HIPK3: variants seen among roughly 807,000 people sequenced by gnomAD.
The protein encoded by HIPK3 is homeodomain-interacting protein kinase 3.
A neutral mutation model predicts 124.2 loss-of-function variants in HIPK3; 47 were observed. That is an observed-to-expected ratio of 0.38 (90% CI 0.30 to 0.48). The LOEUF (loss-of-function observed/expected upper bound fraction) is 0.48. Ranked by LOEUF, HIPK3 falls within the 20% of genes least tolerant of loss-of-function variation. HIPK3 has a pLI of 0.98. For synonymous variants in HIPK3, 482 were observed against 515.2 expected (o/e 0.94, Z 0.87); for missense variants, 1,286 against 1,454.3 (o/e 0.88, Z 1.88).
intron 8 of HIPK3, 21 bp from the exon 9 acceptor site, chr11:33,347,272 G>T (rs765010879): frequency 6.3e-7 from 1 of 1,586,732 alleles, no homozygotes; most frequent in Non-Finnish European, 8.6e-7. Flanking sequence ...TCTTTTATTT[G>T]ATAACTATTC....
intron 1 of HIPK3, among the ~76,000 whole-genome samples, chr11:33,269,597 C>T (rs1851066600): frequency 6.6e-6 from 1 of 151,594 alleles, no homozygotes; most frequent in African/African-American, 2.4e-5. Context: ...TTAATTGTGC[C>T]TCTTCAAGTC....
At chr11:33,319,509 A>AG (rs1852602537) in intron 2 of HIPK3, among the ~76,000 whole-genome samples, 1 of 152,090 alleles carries the variant, frequency 6.6e-6, no homozygotes, top group Admixed American at 6.6e-5. Flanking sequence ...AAAAAAAAAA[A>AG]AAGTCATGAT....
chr11:33,337,275 A>G (rs983549244), intron 4 of HIPK3, 81 bp downstream of exon 4: 8 of 688,404 alleles, frequency 1.2e-5, no homozygotes, highest in African/African-American at 9.4e-5. Flanking sequence ...TTCCATGTCT[A>G]TTTACATTTT....
intron 2 of HIPK3, among the ~76,000 whole-genome samples, chr11:33,304,090 A>C (rs1169654229): frequency 6.6e-6 from 1 of 151,982 alleles, no homozygotes; most frequent in Non-Finnish European, 1.5e-5. Context: ...ACAGGCGTGC[A>C]CCAGCACGTC....
intron 2 of HIPK3, among the ~76,000 whole-genome samples, chr11:33,296,619 TTTA>T (rs1851848684): frequency 6.6e-6 from 1 of 152,210 alleles, no homozygotes; most frequent in African/African-American, 2.4e-5. Flanking sequence ...TATTTCAAAC[TTTA>T]TTATTATTTG....
At chr11:33,296,765 C>T (rs1415260978) in intron 2 of HIPK3, among the ~76,000 whole-genome samples, 1 of 152,178 alleles carries the variant, frequency 6.6e-6, no homozygotes, top group East Asian at 1.9e-4. Context: ...CCAGCTGATC[C>T]TTGGTCTCTC....
At chr11:33,279,532 G>A (rs925878665) in intron 1 of HIPK3, among the ~76,000 whole-genome samples, 12 of 152,078 alleles carry the variant, frequency 7.9e-5, no homozygotes, top group South Asian at 2.1e-4. Context: ...AGCCCACTAT[G>A]GTTAGCAATG....
chr11:33,289,914 A>G (rs532543208), intron 2 of HIPK3, among the ~76,000 whole-genome samples: 15 of 152,234 alleles, frequency 9.9e-5, no homozygotes, highest in Admixed American at 3.3e-4. Context: ...AACATTGTGA[A>G]GTTTTGTCTT....
chr11:33,279,431 ATTGAATATAAC>A (rs1184320663), intron 1 of HIPK3, among the ~76,000 whole-genome samples: 1 of 151,930 alleles, frequency 6.6e-6, no homozygotes, highest in South Asian at 2.1e-4. Context: ...TGGCAAATAA[ATTGAATATAAC>A]TTGGTAAAGT....
At chr11:33,290,495 C>T (rs532708006) in intron 2 of HIPK3, among the ~76,000 whole-genome samples, 35 of 152,020 alleles carry the variant, frequency 2.3e-4, no homozygotes, top group Admixed American at 1.4e-3. Flanking sequence ...TATAAACTCC[C>T]AGGCTTCAGC....
chr11:33,256,722 A>G (rs1224104159), upstream of HIPK3: 4 of 984,304 alleles, frequency 4.1e-6, no homozygotes, highest in Non-Finnish European at 4.8e-6. Flanking sequence ...AGTTAAACCG[A>G]CTAATTTAAC....
intron 2 of HIPK3, among the ~76,000 whole-genome samples, chr11:33,308,377 A>C (rs1852225554): frequency 6.6e-6 from 1 of 152,148 alleles, no homozygotes; most frequent in African/African-American, 2.4e-5. Context: ...AATTTTATAA[A>C]CTGTAAATTT....
chr11:33,299,124 G>A (rs1173021763), intron 2 of HIPK3, among the ~76,000 whole-genome samples: 1 of 151,686 alleles, frequency 6.6e-6, no homozygotes, highest in Non-Finnish European at 1.5e-5. Context: ...TGGGATTACA[G>A]GTGTGAGCCA....
intron 1 of HIPK3, among the ~76,000 whole-genome samples, chr11:33,259,580 ATTTC>A (rs1850769809): frequency 6.6e-6 from 1 of 152,164 alleles, no homozygotes; most frequent in African/African-American, 2.4e-5. Context: ...TCAATGAAAT[ATTTC>A]TTGGTGTATT....
chr11:33,315,375 C>T (rs190695983), intron 2 of HIPK3, among the ~76,000 whole-genome samples: 23 of 152,132 alleles, frequency 1.5e-4, no homozygotes, highest in East Asian at 1.9e-4. Flanking sequence ...TACAGGCACG[C>T]GCCACCACAC....
chr11:33,320,840 A>C (rs1386400766), intron 2 of HIPK3, among the ~76,000 whole-genome samples: 1 of 152,172 alleles, frequency 6.6e-6, no homozygotes, highest in South Asian at 2.1e-4. Flanking sequence ...TGAGATGCCT[A>C]ATAAACATTC....
At chr11:33,266,059 A>G (rs1458987448) in intron 1 of HIPK3, among the ~76,000 whole-genome samples, 2 of 124,994 alleles carry the variant, frequency 1.6e-5, no homozygotes, top group Non-Finnish European at 3.6e-5. Flanking sequence ...ACTCCATCTC[A>G]AAAAAAAAAA....
At chr11:33,260,214 A>G (rs1850786338) in intron 1 of HIPK3, among the ~76,000 whole-genome samples, 1 of 152,194 alleles carries the variant, frequency 6.6e-6, no homozygotes, top group Admixed American at 6.5e-5. Flanking sequence ...TAAATTACAG[A>G]CGTAGGTTGC....
rs757307052 is a variant in HIPK3 at position 33,286,593 on chromosome 11, G to A, written c.179G>A (p.Ser60Asn). 7 of 1,613,970 alleles carry A rather than the reference G, an allele frequency of 4.3e-6. No individual in the cohort carries two copies. In the Admixed American group the frequency reaches 1.0e-4, roughly 23 times the overall value. The change falls in exon 2 of 17, where the codon AGT (serine) becomes AAT (asparagine). Residue 60 changes from serine (S) to asparagine (N), a missense_variant. Transcript: ENST00000303296. ...AATTCTCATCCTCCCACTAAGGGTA[G>A]TGCTTTTCAGACAAAGATACCATTT... is the stretch of plus-strand genomic sequence containing the variant. ...FGNSHPPTKG[S>N]AFQTKIPFNR...
Sources: gnomAD v4.1 joint callset for allele counts (sites outside exome capture counted in the v4.1 genomes callset) on GRCh38, gnomAD v4.1.1 for gene constraint, MANE v1.5 for transcripts, NCBI Gene and HGNC (gene_info 2026-07-23, HGNC 2026-07-21) for gene names.